Variants in SGK3 observed in about 807,000 individuals in gnomAD.
SGK3 encodes the protein serine/threonine-protein kinase Sgk3.
Under a neutral mutation model 68.5 loss-of-function variants are expected in SGK3, and 47 were observed. The ratio of observed to expected loss-of-function variants is 0.69; its 90% CI spans 0.54 to 0.87. The LOEUF (loss-of-function observed/expected upper bound fraction) is 0.87. SGK3 is among the 40% of genes least tolerant of loss of function. The pLI, the probability that SGK3 is intolerant of heterozygous loss-of-function variation, is 0.00. For missense variants in SGK3, 479 were observed against 575.5 expected (o/e 0.83, Z 1.72); for synonymous variants, 181 against 189.1 (o/e 0.96, Z 0.35).
At chr8:66,788,207 C>T (rs747132260) in intron 1 of SGK3, among the ~76,000 whole-genome samples, 1 of 152,184 alleles carries the variant, frequency 6.6e-6, no homozygotes, top group African/African-American at 2.4e-5. Context: ...TTACTTGTGC[C>T]GTCCAGACCT....
chr8:66,735,336 GTT>G (rs2130379616), intron 1 of SGK3, among the ~76,000 whole-genome samples: 1 of 152,352 alleles, frequency 6.6e-6, no homozygotes, highest in African/African-American at 2.4e-5. Context: ...GATTGTGTAA[GTT>G]TGTACAGAAG....
At chr8:66,732,378 C>T (rs1016875574) in intron 1 of SGK3, among the ~76,000 whole-genome samples, 1 of 151,784 alleles carries the variant, frequency 6.6e-6, no homozygotes, top group Non-Finnish European at 1.5e-5. Flanking sequence ...ATCTCAGCTA[C>T]TTGGGAGGCT....
intron 1 of SGK3, among the ~76,000 whole-genome samples, chr8:66,789,777 C>T (rs1807360848): frequency 6.6e-6 from 1 of 152,114 alleles, no homozygotes; most frequent in Non-Finnish European, 1.5e-5. Context: ...TGCCTGTGGC[C>T]GTTTAAAGGG....
intron 6 of SGK3, among the ~76,000 whole-genome samples, chr8:66,825,624 T>A (rs2130680927): frequency 6.6e-6 from 1 of 152,250 alleles, no homozygotes; most frequent in South Asian, 2.1e-4. Context: ...GACTTTTAAG[T>A]GAATAACTAA....
At chr8:66,787,331 G>A (rs968271813) in intron 1 of SGK3, among the ~76,000 whole-genome samples, 1 of 152,174 alleles carries the variant, frequency 6.6e-6, no homozygotes. Flanking sequence ...AAAACAAATT[G>A]TTATACTTTA....
intron 1 of SGK3, among the ~76,000 whole-genome samples, chr8:66,771,355 T>G (rs1806505056): frequency 6.6e-6 from 1 of 152,218 alleles, no homozygotes. Context: ...CTCCCTGAAA[T>G]GTACTATTGA....
At chr8:66,777,078 T>C (rs1188032628) in intron 1 of SGK3, among the ~76,000 whole-genome samples, 1 of 152,192 alleles carries the variant, frequency 6.6e-6, no homozygotes, top group Non-Finnish European at 1.5e-5. Flanking sequence ...AAAGAGATAA[T>C]GTCACAATGT....
chr8:66,759,948 A>C (rs1806103902), intron 1 of SGK3, among the ~76,000 whole-genome samples: 1 of 152,160 alleles, frequency 6.6e-6, no homozygotes, highest in Non-Finnish European at 1.5e-5. Flanking sequence ...TAATCTGGGA[A>C]GATCTCCTCT....
intron 1 of SGK3, among the ~76,000 whole-genome samples, chr8:66,774,316 C>T (rs1202461108): frequency 6.6e-6 from 1 of 151,984 alleles, no homozygotes; most frequent in Non-Finnish European, 1.5e-5. Flanking sequence ...GTTTCCCTGC[C>T]ATATTCATTA....
At chr8:66,760,120 C>T (rs1353090119) in intron 1 of SGK3, among the ~76,000 whole-genome samples, 1 of 151,994 alleles carries the variant, frequency 6.6e-6, no homozygotes, top group Non-Finnish European at 1.5e-5. Flanking sequence ...TTTCATGTAA[C>T]AATATTATAA....
intron 1 of SGK3, among the ~76,000 whole-genome samples, chr8:66,739,921 A>G (rs1202901747): frequency 6.6e-6 from 1 of 152,186 alleles, no homozygotes; most frequent in Admixed American, 6.5e-5. Flanking sequence ...TGAGAACAGC[A>G]TGTGGGAAAC....
chr8:66,746,084 G>T (rs1346183305), intron 1 of SGK3, among the ~76,000 whole-genome samples: 1 of 152,162 alleles, frequency 6.6e-6, no homozygotes, highest in Admixed American at 6.5e-5. Context: ...ATTTTCTCCA[G>T]AACTATTCAG....
chr8:66,802,832 A>G (rs1044497696), intron 3 of SGK3, among the ~76,000 whole-genome samples: 15 of 152,102 alleles, frequency 9.9e-5, no homozygotes, highest in Non-Finnish European at 1.5e-4. Flanking sequence ...AGAAAATAAC[A>G]TTATGTTACC....
intron 4 of SGK3, among the ~76,000 whole-genome samples, chr8:66,807,566 A>AT (rs1322087425): frequency 6.6e-6 from 1 of 152,202 alleles, no homozygotes; most frequent in Non-Finnish European, 1.5e-5. Context: ...TCACAGAGAT[A>AT]TTAGAAAGTC....
At chr8:66,767,224 G>A (rs1346789673) in intron 1 of SGK3, among the ~76,000 whole-genome samples, 4 of 151,844 alleles carry the variant, frequency 2.6e-5, no homozygotes, top group Middle Eastern at 3.2e-3. Flanking sequence ...GCTTTATTTT[G>A]GATTAAGCAT....
intron 2 of SGK3, among the ~76,000 whole-genome samples, chr8:66,796,408 G>A (rs1017525772): frequency 3.3e-5 from 4 of 119,964 alleles, no homozygotes; most frequent in Non-Finnish European, 6.5e-5. Context: ...CTCGTGATCC[G>A]CCCACCTCGG....
chr8:66,768,843 G>C (rs367563425), intron 1 of SGK3, among the ~76,000 whole-genome samples: 1 of 152,190 alleles, frequency 6.6e-6, no homozygotes, highest in Non-Finnish European at 1.5e-5. Context: ...CAAGTGTTGA[G>C]ATTACAGACA....
rs867168095 is a variant in SGK3, at chr8:66,817,107, A to G, written c.329+3179A>G. Among the ~76,000 whole-genome samples the G allele has an allele frequency of 2.0e-5, 3 of 152,178 alleles. No individual in the cohort carries two copies. In the Middle Eastern group the frequency reaches 0.01, roughly 518 times the overall value. ...AGTGCTGGGATTACAGGCATGAGCC[A>G]CCGTGCCCAGCAGGAAATGTGCTTT... On this transcript the variant is annotated intron_variant, in intron 5 of 16. Transcript: ENST00000521198.
At chr8:66,748,884 A>G (rs1252924750) in intron 1 of SGK3, among the ~76,000 whole-genome samples, 33 of 150,042 alleles carry the variant, frequency 2.2e-4, no homozygotes, top group Admixed American at 2.1e-3. Context: ...TTCTCACTAG[A>G]TTTTATTTAT....
Sources: gnomAD v4.1 joint callset for allele counts (sites outside exome capture counted in the v4.1 genomes callset) on GRCh38, gnomAD v4.1.1 for gene constraint, MANE v1.5 for transcripts, NCBI Gene and HGNC (gene_info 2026-07-23, HGNC 2026-07-21) for gene names.